Variants in RSBN1L observed in about 807,000 individuals in gnomAD.
The protein encoded by RSBN1L is round spermatid basic protein 1 like, also known as lysine-specific demethylase RSBN1L.
A neutral mutation model predicts 67.7 loss-of-function variants in RSBN1L; 30 were observed. That is an observed-to-expected ratio of 0.44 (90% CI 0.33 to 0.60). The LOEUF (loss-of-function observed/expected upper bound fraction) is 0.60. Among genes scored for constraint, RSBN1L ranks in the 20% least tolerant of loss-of-function variants. RSBN1L has a pLI of 0.02. For synonymous variants in RSBN1L, 433 were observed against 387.0 expected, an observed-to-expected ratio of 1.12 and a Z score of -1.39; for missense variants, 992 against 1,031.7, an observed-to-expected ratio of 0.96 and a Z score of 0.53.
chr7:77,706,164 C>T (rs1165069599), intron 1 of RSBN1L, among the ~76,000 whole-genome samples: 2 of 151,910 alleles, frequency 1.3e-5, no homozygotes. Context: ...GCAACCTCCG[C>T]CCCCCAGGTT....
chr7:77,697,078 G>A, intron 1 of RSBN1L, 23 bp downstream of exon 1: 1 of 1,378,746 alleles, frequency 7.3e-7, no homozygotes. Context: ...CGGGGAGGGG[G>A]AGGGGAGGGC....
intron 5 of RSBN1L, among the ~76,000 whole-genome samples, chr7:77,769,312 A>C (rs967829456): frequency 6.6e-6 from 1 of 152,230 alleles, no homozygotes; most frequent in African/African-American, 2.4e-5. Flanking sequence ...GGATATTAAA[A>C]ATTACTATAA....
At position 77,765,491 on chromosome 7, in the gene RSBN1L, T is replaced by G. The variant is rs775619454; in HGVS notation, c.1345-4T>G. On this transcript the variant is annotated splice_polypyrimidine_tract_variant and splice_region_variant and intron_variant, in intron 3 of 7. Coordinates refer to ENST00000334955, the MANE Select transcript of RSBN1L (RefSeq NM_198467.3). The stretch of plus-strand genomic sequence containing the variant: ...AACTTTTAATTAAATCCATGTTTCT[T>G]CAGGTAAAAAGAACGTATTCTCATG... The G allele has an allele frequency of 3.9e-6, 6 of 1,529,980 alleles. No homozygotes were observed. The African/African-American group carries it at 8.3e-5, about 21-fold the overall frequency. 94.8% of individuals were successfully genotyped at this position (1,529,980 alleles called of 1,614,324 possible).
intron 1 of RSBN1L, among the ~76,000 whole-genome samples, chr7:77,707,114 C>T (rs1327627357): frequency 6.6e-6 from 1 of 151,256 alleles, no homozygotes; most frequent in Non-Finnish European, 1.5e-5. Flanking sequence ...ACCTCTGCCT[C>T]CCAGGTTCAA....
At chr7:77,700,233 T>C (rs1440284735) in intron 1 of RSBN1L, among the ~76,000 whole-genome samples, 1 of 152,210 alleles carries the variant, frequency 6.6e-6, no homozygotes, top group African/African-American at 2.4e-5. Flanking sequence ...AGTGGACATA[T>C]ACCAAGGGTA....
chr7:77,696,647 G>A lies in RSBN1L; in HGVS notation c.178G>A (p.Gly60Arg), dbSNP rs1370000121. 6.2e-7 allele frequency: 1 copy of A among 1,613,740 alleles called. No individual in the cohort carries two copies. The highest frequency in any genetic ancestry group is 1.7e-5 in the Admixed American group (1 of 60,026). ...GGCACCGCGGAGAGTGAACGGAGAA[G>A]GGGGCAGCGGCGGGAACAGCAGGCA... The part of the protein sequence containing the change: ...KKAPRRVNGE[G>R]GSGGNSRQLQ... Residue 60 changes from glycine to arginine, a missense_variant, in exon 1 of 8, where the codon GGG becomes AGG. By Grantham distance (125) the Gly-to-Arg change is moderately radical. Transcript: ENST00000334955.
At position 77,781,950 on chromosome 7, in the gene RSBN1L, C is replaced by G. The variant is rs4451239; in HGVS notation, c.*2782C>G. 1.3e-5 allele frequency: 2 copies of G among 148,178 alleles called. No homozygotes were observed. Among genetic ancestry groups the G allele is most frequent in the South Asian group, 4.2e-4 (2 of 4,712 alleles). 9.2% of individuals were successfully genotyped at this position (148,178 alleles called of 1,614,324 possible). A position where few individuals can be genotyped will look rare whatever the true frequency, so the allele number is the denominator to read the frequency against. On this transcript the variant is annotated 3_prime_UTR_variant, in exon 8 of 8. Coordinates refer to ENST00000334955, the MANE Select transcript of RSBN1L (RefSeq NM_198467.3). ...CAGTGAGCCGAGATCGCCCCACTGC[C>G]CTCCAGCCTGGGCGACAGTCTCAAA... is the stretch of plus-strand genomic sequence containing the variant.
At position 77,696,906 on chromosome 7, in the gene RSBN1L, C is replaced by T. The variant is rs1282583724; in HGVS notation, c.437C>T (p.Ala146Val). The change falls in exon 1 of 8, where the codon GCC (alanine) becomes GTC (valine). Residue 146 changes from alanine (A) to valine (V), a missense_variant. Coordinates refer to ENST00000334955, the MANE Select transcript of RSBN1L (RefSeq NM_198467.3). ...HAQPHHLLLP[A>V]AAAAASANAK... ...CAGCCTCACCATCTCCTCCTGCCCG[C>T]CGCCGCCGCCGCTGCCTCGGCTAAC... 6.2e-7 allele frequency: 1 copy of T among 1,603,784 alleles called. No individual in the cohort carries two copies. The highest frequency in any genetic ancestry group is 1.7e-5 in the Admixed American group (1 of 59,962).
Position 77,734,898 on chromosome 7 carries a change from A to G in RSBN1L, c.587-1512A>G, listed in dbSNP as rs1355247578. Among the ~76,000 whole-genome samples, 6 of 152,272 alleles carry G rather than the reference A, an allele frequency of 3.9e-5. No individual in the cohort carries two copies. In the East Asian group the frequency reaches 9.6e-4, roughly 24 times the overall value. ...CAGAAGTGTGGGAACACTGTAATCT[A>G]ATTCAGAAGTTAAGTTATATGTGAA... On this transcript the variant is annotated intron_variant, in intron 1 of 7. Transcript: ENST00000334955.
At chr7:77,762,208 A>G (rs1791704657) in intron 3 of RSBN1L, among the ~76,000 whole-genome samples, 1 of 152,178 alleles carries the variant, frequency 6.6e-6, no homozygotes, top group Non-Finnish European at 1.5e-5. Flanking sequence ...TAAGATATTT[A>G]GCAATATAAT....
intron 3 of RSBN1L, 82 bp from the exon 4 acceptor site, chr7:77,765,413 T>A: frequency 9.1e-7 from 1 of 1,093,754 alleles, no homozygotes; most frequent in Non-Finnish European, 1.3e-6. Context: ...AAGCATTATC[T>A]TATGTGTAAC....
At chr7:77,729,443 A>G (rs986921699) in intron 1 of RSBN1L, among the ~76,000 whole-genome samples, 13 of 152,206 alleles carry the variant, frequency 8.5e-5, no homozygotes, top group African/African-American at 3.1e-4. Context: ...GTTACTAAGA[A>G]CAGGTGTTCC....
chr7:77,762,196 A>C (rs1791704579), intron 3 of RSBN1L, among the ~76,000 whole-genome samples: 1 of 152,292 alleles, frequency 6.6e-6, no homozygotes, highest in South Asian at 2.1e-4. Flanking sequence ...TAAAAATTCA[A>C]TTAAGATATT....
intron 3 of RSBN1L, among the ~76,000 whole-genome samples, chr7:77,750,864 C>T (rs1237849170): frequency 6.6e-6 from 1 of 152,122 alleles, no homozygotes; most frequent in Non-Finnish European, 1.5e-5. Context: ...TTATTTATCC[C>T]AACACCTCTC....
chr7:77,696,985 T>A lies in RSBN1L; in HGVS notation c.516T>A (p.Gly172=). ...GGGAGAAGGAGAGGAGGAGGCACGG[T>A]CTCGGTGGGGCCCGAGAGGCCGGCG... The part of the protein sequence containing the change: ...EKREKERRRH[G]LGGAREAGGA... The change falls in exon 1 of 8, where the codon GGT becomes GGA. Residue 172 remains glycine (G), a synonymous_variant. Coordinates refer to ENST00000334955, the MANE Select transcript of RSBN1L (RefSeq NM_198467.3). The A allele has an allele frequency of 1.3e-6, 2 of 1,548,484 alleles. No individual in the cohort carries two copies. The highest frequency in any genetic ancestry group is 1.7e-6 in the Non-Finnish European group (2 of 1,155,002).
intron 3 of RSBN1L, among the ~76,000 whole-genome samples, chr7:77,756,810 A>T (rs1791626098): frequency 6.6e-6 from 1 of 152,176 alleles, no homozygotes; most frequent in African/African-American, 2.4e-5. Context: ...TGGTAATGCC[A>T]TCCTCTAGGT....
intron 2 of RSBN1L, among the ~76,000 whole-genome samples, chr7:77,740,985 C>CTTTTTTTTT (rs869081974): frequency 5.8e-5 from 6 of 102,930 alleles, no homozygotes; most frequent in Non-Finnish European, 9.5e-5. Flanking sequence ...CTTTTCTTTT[C>CTTTTTTTTT]TTTTTTTTTT....
chr7:77,698,802 ATTTTC>A (rs1562791133), intron 1 of RSBN1L, among the ~76,000 whole-genome samples: 1 of 151,870 alleles, frequency 6.6e-6, no homozygotes, highest in East Asian at 1.9e-4. Context: ...CTACTGTAAG[ATTTTC>A]ATTTTTTCAG....
intron 1 of RSBN1L, among the ~76,000 whole-genome samples, chr7:77,699,422 A>G (rs925953273): frequency 2.0e-5 from 3 of 152,224 alleles, no homozygotes; most frequent in African/African-American, 4.8e-5. Flanking sequence ...GAACTGCTTT[A>G]TTTTTACATT....
Sources: allele counts gnomAD v4.1 joint callset (sites outside exome capture counted in the v4.1 genomes callset), GRCh38; gene constraint gnomAD v4.1.1; transcripts MANE v1.5; gene names NCBI Gene and HGNC (gene_info 2026-07-23, HGNC 2026-07-21).